The following RARS2 variants were observed in gnomAD, a reference collection of about 807,000 sequenced individuals.
RARS2 encodes arginyl-tRNA synthetase 2, mitochondrial.
Under a neutral mutation model 88.5 loss-of-function variants are expected in RARS2, and 67 were observed. The observed-to-expected ratio is 0.76, with a 90% CI of 0.62 to 0.93. RARS2 has a LOEUF of 0.93. Among genes scored for constraint, RARS2 ranks in the 40% least tolerant of loss-of-function variants. The pLI is 0.00. For synonymous variants in RARS2, 239 were observed against 230.3 expected (o/e 1.04, Z -0.34); for missense variants, 664 against 684.2 (o/e 0.97, Z 0.33).
At chr6:87,551,451 T>A (rs1249041566) in intron 5 of RARS2, among the ~76,000 whole-genome samples, 1 of 151,326 alleles carries the variant, frequency 6.6e-6, no homozygotes, top group Non-Finnish European at 1.5e-5. Flanking sequence ...CATGGTGAAA[T>A]CCTGTCTCTA....
chr6:87,519,182 A>ATG lies in RARS2; in HGVS notation c.1238-292_1238-291insCA, dbSNP rs772148859. 901 of 205,238 alleles carry ATG rather than the reference A, an allele frequency of 4.4e-3. 4 individuals carry two copies. The highest frequency in any genetic ancestry group is 0.041 in the East Asian group (351 of 8,478). 12.7% of individuals were successfully genotyped at this position (205,238 alleles called of 1,614,324 possible). Reference sequence around the variant, plus strand: ...TATGTGTGTATATATATATAAATATATATGTGTGTGTGTGTGTGTGTGTGT... The same window carrying ATG: ...TATGTGTGTATATATATATAAATATATGTATGTGTGTGTGTGTGTGTGTGTGT... On this transcript the variant is annotated intron_variant, in intron 14 of 19. Transcript: ENST00000369536.
Position 87,541,943 on chromosome 6 carries a change from G to C in RARS2, c.587C>G (p.Ser196Cys). The C allele has an allele frequency of 6.2e-7, 1 of 1,613,506 alleles. No individual in the cohort carries two copies. The highest frequency in any genetic ancestry group is 8.5e-7 in the Non-Finnish European group (1 of 1,179,574). The change falls in exon 8 of 20, where the codon TCC becomes TGC. Residue 196 changes from serine (S) to cysteine (C), a missense_variant. By Grantham distance (112) the Ser-to-Cys change is moderately radical. Coordinates refer to ENST00000369536, the MANE Select transcript of RARS2 (RefSeq NM_020320.5). ...TTCAAAGAGATGCTGTAGAGGATTG[G>C]ACTGCAGTTTTTCCTCATAGCCAAA... is the stretch of plus-strand genomic sequence containing the variant. ...QLFGYEEKLQ[S>C]NPLQHLFEVY...
intron 9 of RARS2, 139 bp downstream of exon 9, chr6:87,530,645 A>C: frequency 8.8e-7 from 1 of 1,139,094 alleles, no homozygotes; most frequent in Non-Finnish European, 1.3e-6. Context: ...CAGCCCAAAA[A>C]AAAAATTTGA....
chr6:87,568,801 T>A (rs1234279508), intron 2 of RARS2, among the ~76,000 whole-genome samples: 1 of 152,226 alleles, frequency 6.6e-6, no homozygotes, highest in Non-Finnish European at 1.5e-5. Context: ...GTTAAGTGAA[T>A]AAAATACAAG....
intron 1 of RARS2, among the ~76,000 whole-genome samples, chr6:87,571,312 G>A (rs932720345): frequency 2.6e-5 from 4 of 152,188 alleles, no homozygotes; most frequent in Admixed American, 6.5e-5. Context: ...CTTCTGCAAC[G>A]ATTGTAAGTT....
chr6:87,520,370 T>G, intron 12 of RARS2, 114 bp from the exon 13 acceptor site: 1 of 806,660 alleles, frequency 1.2e-6, no homozygotes, highest in Admixed American at 2.0e-5. Context: ...AAGTCGTCAA[T>G]TGATATGTTT....
At chr6:87,519,101 CA>C in intron 14 of RARS2, 1 of 550,108 alleles carries the variant, frequency 1.8e-6, no homozygotes, top group South Asian at 2.0e-5. Context: ...TTTATTTATT[CA>C]AAAGATACTT....
chr6:87,555,544 A>G (rs1785607107), intron 4 of RARS2, 39 bp from the exon 5 acceptor site: 1 of 1,450,830 alleles, frequency 6.9e-7, no homozygotes, highest in African/African-American at 1.4e-5. Flanking sequence ...AACAAAAATT[A>G]CAATGCTTTT....
At chr6:87,515,385 T>A (rs1414929525) in intron 18 of RARS2, among the ~76,000 whole-genome samples, 1 of 151,986 alleles carries the variant, frequency 6.6e-6, no homozygotes, top group Non-Finnish European at 1.5e-5. Context: ...CCGGGCGTGG[T>A]GGCATGCGCC....
chr6:87,560,636 C>G (rs1012394180), intron 4 of RARS2, among the ~76,000 whole-genome samples: 4 of 152,194 alleles, frequency 2.6e-5, no homozygotes, highest in Admixed American at 2.6e-4. Context: ...CGGTGGCTCA[C>G]GCCTGTAATG....
intron 1 of RARS2, among the ~76,000 whole-genome samples, chr6:87,579,997 C>T (rs1772981103): frequency 6.6e-6 from 1 of 152,058 alleles, no homozygotes; most frequent in Non-Finnish European, 1.5e-5. Flanking sequence ...CCTCCACCTC[C>T]CAAAGTGCTG....
Position 87,518,021 on chromosome 6 carries a change from C to G in RARS2, c.1511+148G>C. The G allele has an allele frequency of 4.1e-6, 6 of 1,472,994 alleles. 1 individual carries two copies. The South Asian group carries it at 6.1e-5, about 15-fold the overall frequency. 91.2% of individuals were successfully genotyped at this position (1,472,994 alleles called of 1,614,324 possible). On this transcript the variant is annotated intron_variant, in intron 17 of 19. Transcript: ENST00000369536. Reference sequence around the variant, plus strand: ...ATCTATGCCCTCTGTCCTCAAAATGCAAATAATCACTTTTTAAGGCATACC... The same window carrying G: ...ATCTATGCCCTCTGTCCTCAAAATGGAAATAATCACTTTTTAAGGCATACC...
At chr6:87,537,840 C>T (rs1012164852) in intron 8 of RARS2, among the ~76,000 whole-genome samples, 3 of 152,176 alleles carry the variant, frequency 2.0e-5, no homozygotes, top group Non-Finnish European at 2.9e-5. Flanking sequence ...CATAGAATCA[C>T]GATCTCTGAC....
chr6:87,520,589 A>T (rs1313197804), intron 12 of RARS2, among the ~76,000 whole-genome samples: 3 of 152,172 alleles, frequency 2.0e-5, no homozygotes, highest in Non-Finnish European at 4.4e-5. Context: ...TTTGATGGTA[A>T]CTTTCTTCTA....
chr6:87,526,950 C>T (rs1010411224), intron 10 of RARS2, among the ~76,000 whole-genome samples: 5 of 151,850 alleles, frequency 3.3e-5, no homozygotes, highest in Non-Finnish European at 4.4e-5. Context: ...GGATTACAGG[C>T]GTGAGCCACC....
chr6:87,552,084 T>G (rs1267885607), intron 5 of RARS2, among the ~76,000 whole-genome samples: 1 of 152,154 alleles, frequency 6.6e-6, no homozygotes, highest in Non-Finnish European at 1.5e-5. Context: ...AGGGAGGCAG[T>G]AAAAGTTAAG....
At chr6:87,544,983 G>A (rs1469445164) in intron 7 of RARS2, among the ~76,000 whole-genome samples, 1 of 152,190 alleles carries the variant, frequency 6.6e-6, no homozygotes, top group Non-Finnish European at 1.5e-5. Flanking sequence ...GGCTGTGGTT[G>A]AGAAAGGTGT....
intron 1 of RARS2, among the ~76,000 whole-genome samples, chr6:87,573,055 A>G (rs1449695985): frequency 6.6e-6 from 1 of 152,236 alleles, no homozygotes; most frequent in Non-Finnish European, 1.5e-5. Context: ...CACAAAAGAT[A>G]CATGTATAAT....
intron 11 of RARS2, among the ~76,000 whole-genome samples, chr6:87,523,019 A>G (rs1346470910): frequency 6.6e-6 from 1 of 152,212 alleles, no homozygotes; most frequent in African/African-American, 2.4e-5. Context: ...ATTAGGAAAA[A>G]TATGGCTGAA....
Sources: allele counts gnomAD v4.1 joint callset (sites outside exome capture counted in the v4.1 genomes callset), GRCh38; gene constraint gnomAD v4.1.1; transcripts MANE v1.5; gene names NCBI Gene and HGNC (gene_info 2026-07-23, HGNC 2026-07-21).